KRIT1: variants seen among roughly 807,000 people sequenced by gnomAD.
The protein encoded by KRIT1 is krev interaction trapped protein 1.
In KRIT1, 45 loss-of-function variants were observed where a neutral mutation model predicts 95.8. The ratio of observed to expected loss-of-function variants is 0.47; its 90% confidence interval spans 0.37 to 0.60. The LOEUF is 0.60. Among genes scored for constraint, KRIT1 ranks in the 20% least tolerant of loss-of-function variants. The probability of loss-of-function intolerance (pLI) is 0.00; values close to 1 mark genes in which losing one functional copy is unlikely to be tolerated. For missense variants in KRIT1, 788 were observed against 877.5 expected (o/e 0.90, Z 1.29); for synonymous variants, 282 against 278.8 (o/e 1.01, Z -0.11).
Position 92,238,544 on chromosome 7 carries a change from A to G in KRIT1, c.263-785T>C, listed in dbSNP as rs1301135960. Among the ~76,000 whole-genome samples the G allele has an allele frequency of 1.3e-5, 2 of 152,238 alleles. 1 individual carries two copies. The highest frequency in any genetic ancestry group is 1.3e-4 in the Admixed American group (2 of 15,284). On this transcript the variant is annotated intron_variant, in intron 5 of 18. Coordinates refer to ENST00000394505, the MANE Select transcript of KRIT1 (RefSeq NM_194454.3). ...CTATATTATAGCCTCCAATTATTTT[A>G]CAAAATGAACACTTGTACAAAATAT...
intron 16 of KRIT1, 80 bp downstream of exon 16, chr7:92,213,812 C>T (rs1406134316): frequency 2.4e-6 from 2 of 839,118 alleles, no homozygotes; most frequent in Non-Finnish European, 4.2e-6. Flanking sequence ...TTTAATCTAC[C>T]TCTGTTTAAA....
chr7:92,242,097 A>G lies in KRIT1; in HGVS notation c.39T>C (p.Ala13=). ...TGGCAGTATTCTTTGGACGAATAAC[A>G]GCAACATATGCATCTTCTATGTTTT... ...NPENIEDAYV[A]VIRPKNTASL... Residue 13 remains alanine, a synonymous_variant, in exon 4 of 19, where the codon GCT becomes GCC. Coordinates refer to ENST00000394505, the MANE Select transcript of KRIT1 (RefSeq NM_194454.3). 6.2e-7 allele frequency: 1 copy of G among 1,604,720 alleles called. No homozygotes were observed. Among genetic ancestry groups the G allele is most frequent in the Non-Finnish European group, 8.5e-7 (1 of 1,171,650 alleles).
Position 92,214,690 on chromosome 7 carries a change from G to T in KRIT1, c.1651C>A (p.Leu551Met), listed in dbSNP as rs754987420. 6 of 1,610,234 alleles carry T rather than the reference G, an allele frequency of 3.7e-6. No individual in the cohort carries two copies. The highest frequency in any genetic ancestry group is 5.1e-6 in the Non-Finnish European group (6 of 1,176,590). Residue 551 changes from leucine (L) to methionine (M), a missense_variant, in exon 15 of 19, where the codon CTG becomes ATG. By Grantham distance (15) the Leu-to-Met change is conservative. This residue lies in a region of KRIT1 where 493 missense variants were observed against 582.3 expected (regional missense o/e 0.85). Coordinates refer to ENST00000394505, the MANE Select transcript of KRIT1 (RefSeq NM_194454.3). ...KGFYTAPDAK[L>M]ITLASLLLQI... ...AAAAGCAGACTTGCCAATGTTATCA[G>T]CTTAGCATCAGGAGCTGTATAAAAG...
intron 10 of KRIT1, among the ~76,000 whole-genome samples, chr7:92,231,594 TCA>T (rs1384684162): frequency 3.3e-5 from 5 of 152,172 alleles, no homozygotes; most frequent in Non-Finnish European, 4.4e-5. Flanking sequence ...CTTCACTGTA[TCA>T]CAGTCAAGAG....
chr7:92,220,387 T>C (rs529590484), intron 14 of KRIT1, among the ~76,000 whole-genome samples: 31 of 152,284 alleles, frequency 2.0e-4, no homozygotes, highest in South Asian at 1.2e-3. Flanking sequence ...GCAATTTTTA[T>C]GTGACTCCTA....
rs372952135 is a variant in KRIT1 at position 92,213,935 on chromosome 7, C to G, written c.1775G>C (p.Ser592Thr). 86 of 1,611,006 alleles carry G rather than the reference C, an allele frequency of 5.3e-5. No homozygotes were observed. The highest frequency in any genetic ancestry group is 4.0e-4 in the Admixed American group (24 of 59,986). Reference protein sequence around the residue: ...KSIVPVTKLKSKAPHWTNRIL... With the variant: ...KSIVPVTKLKTKAPHWTNRIL... ...GCGATTTGTCCAGTGAGGTGCCTTA[C>G]TTTTCAGTTTGGTAACAGGTACGAT... Residue 592 changes from serine to threonine, a missense_variant, in exon 16 of 19, where the codon AGT becomes ACT. This residue lies in a region of KRIT1 where 493 missense variants were observed against 582.3 expected (regional missense o/e 0.85). Transcript: ENST00000394505.
chr7:92,223,677 G>A (rs1419420111), intron 12 of KRIT1, among the ~76,000 whole-genome samples: 2 of 151,970 alleles, frequency 1.3e-5, no homozygotes, highest in African/African-American at 2.4e-5. Context: ...CGAGTCTAGT[G>A]GGTCACATAT....
intron 17 of KRIT1, among the ~76,000 whole-genome samples, chr7:92,208,681 C>CA (rs1792100744): frequency 6.6e-6 from 1 of 152,034 alleles, no homozygotes; most frequent in Non-Finnish European, 1.5e-5. Flanking sequence ...AAAACCTCAA[C>CA]AGATAAATTC....
intron 14 of KRIT1, among the ~76,000 whole-genome samples, chr7:92,216,983 C>G (rs1046571499): frequency 6.6e-6 from 1 of 152,042 alleles, no homozygotes; most frequent in African/African-American, 2.4e-5. Context: ...TCAGATGGTA[C>G]AAACAGGAAT....
At chr7:92,231,285 T>G (rs183547718) in intron 10 of KRIT1, among the ~76,000 whole-genome samples, 41 of 152,354 alleles carry the variant, frequency 2.7e-4, no homozygotes, top group Non-Finnish European at 4.3e-4. Flanking sequence ...CTACCAATCT[T>G]GAATTTTAAA....
At chr7:92,227,202 A>T (rs1306750827) in intron 10 of KRIT1, among the ~76,000 whole-genome samples, 2 of 152,238 alleles carry the variant, frequency 1.3e-5, no homozygotes, top group Non-Finnish European at 2.9e-5. Flanking sequence ...ATTTGAGGCA[A>T]AACATAAACA....
Position 92,213,991 on chromosome 7 carries a change from C to T in KRIT1, c.1731-12G>A. Reference sequence around the variant, plus strand: ...TTAGATTTTCTTCACTGTAAGCACACATGCCAACATCCTTTAAATAAATCA... The same window carrying T: ...TTAGATTTTCTTCACTGTAAGCACATATGCCAACATCCTTTAAATAAATCA... On this transcript the variant is annotated splice_polypyrimidine_tract_variant and intron_variant, in intron 15 of 18. Transcript: ENST00000394505. 6.7e-7 allele frequency: 1 copy of T among 1,491,170 alleles called. No homozygotes were observed. Among genetic ancestry groups the T allele is most frequent in the Non-Finnish European group, 9.4e-7 (1 of 1,068,070 alleles). The allele number at this position is 1,491,170 out of a possible 1,614,324, so 92.4% of individuals were successfully genotyped here. A position where few individuals can be genotyped will look rare whatever the true frequency, so the allele number is the denominator to read the frequency against.
intron 6 of KRIT1, 36 bp downstream of exon 6, chr7:92,237,631 G>T: frequency 8.3e-7 from 1 of 1,206,316 alleles, no homozygotes; most frequent in Non-Finnish European, 1.2e-6. Flanking sequence ...AGCATCTAAA[G>T]TATATAAAGA....
At chr7:92,221,792 G>T in intron 14 of KRIT1, 110 bp downstream of exon 14, 1 of 880,514 alleles carries the variant, frequency 1.1e-6, no homozygotes, top group Non-Finnish European at 1.8e-6. Context: ...TCACAGGGAT[G>T]TAAGGATCGA....
chr7:92,235,983 T>A, intron 7 of KRIT1: 1 of 259,350 alleles, frequency 3.9e-6, no homozygotes, highest in South Asian at 4.9e-5. Context: ...TTTAAATGTA[T>A]GTGCCATTAT....
intron 10 of KRIT1, among the ~76,000 whole-genome samples, chr7:92,228,540 G>GTGA (rs1796660723): frequency 6.6e-6 from 1 of 151,192 alleles, no homozygotes; most frequent in Non-Finnish European, 1.5e-5. Flanking sequence ...CCTTACTCAG[G>GTGA]TGATTTGTTT....
chr7:92,204,462 C>T (rs1790920772), intron 17 of KRIT1, among the ~76,000 whole-genome samples: 1 of 151,732 alleles, frequency 6.6e-6, no homozygotes, highest in African/African-American at 2.4e-5. Flanking sequence ...ATTTCTATTA[C>T]TATTATATTG....
At position 92,232,935 on chromosome 7, in the gene KRIT1, C is replaced by T. The variant is rs183280213; in HGVS notation, c.989+1514G>A. 2.6e-3 allele frequency among the ~76,000 whole-genome samples: 398 copies of T among 152,176 alleles called. 5 individuals are homozygous for T. Among genetic ancestry groups the T allele is most frequent in the African/African-American group, 9.1e-3 (379 of 41,498 alleles). Reference sequence around the variant, plus strand: ...GTCTCAACCTCCTGACCTCGTGATCCGCCCACCTTGGCCTCCCAAAGTGCT... The same window carrying T: ...GTCTCAACCTCCTGACCTCGTGATCTGCCCACCTTGGCCTCCCAAAGTGCT... On this transcript the variant is annotated intron_variant, in intron 10 of 18. Transcript: ENST00000394505.
At chr7:92,226,401 A>T (rs753508293) in intron 11 of KRIT1, 125 bp downstream of exon 11, 2 of 760,188 alleles carry the variant, frequency 2.6e-6, no homozygotes, top group South Asian at 1.5e-5. Context: ...TACTTATTCT[A>T]TAAAGTAATG....
Sources: gnomAD v4.1 joint callset for allele counts (sites outside exome capture counted in the v4.1 genomes callset) on GRCh38, gnomAD v4.1.1 for gene constraint, gnomAD v4.1.1 regional missense constraint, MANE v1.5 for transcripts, NCBI Gene and HGNC (gene_info 2026-07-23, HGNC 2026-07-21) for gene names.